RNF121: variants seen among roughly 807,000 people sequenced by gnomAD.
RNF121 encodes E3 ubiquitin ligase RNF121.
RNF121 carries 21 observed loss-of-function variants against 46.5 expected under a neutral mutation model. The ratio of observed to expected loss-of-function variants is 0.45; its 90% CI spans 0.32 to 0.65. RNF121 has a LOEUF of 0.65. Ranked by LOEUF, RNF121 falls within the 30% of genes least tolerant of loss-of-function variation. RNF121 has a pLI of 0.04. For synonymous variants in RNF121, 139 were observed against 144.7 expected, an observed-to-expected ratio of 0.96 and a Z score of 0.28; for missense variants, 346 against 416.0, an observed-to-expected ratio of 0.83 and a Z score of 1.46.
chr11:71,984,157 A>T (rs1954718007), intron 4 of RNF121, among the ~76,000 whole-genome samples: 1 of 152,258 alleles, frequency 6.6e-6, no homozygotes, highest in Admixed American at 6.5e-5. Context: ...TGATAAGATG[A>T]TATGAAGAAA....
intron 1 of RNF121, among the ~76,000 whole-genome samples, chr11:71,944,192 G>C (rs187899915): frequency 2.5e-4 from 38 of 152,244 alleles, no homozygotes; most frequent in African/African-American, 8.7e-4. Flanking sequence ...AATTAGCCAG[G>C]CGTGGTGGCA....
At chr11:71,993,908 T>C (rs1363802495) in intron 6 of RNF121, among the ~76,000 whole-genome samples, 3 of 150,976 alleles carry the variant, frequency 2.0e-5, no homozygotes, top group Non-Finnish European at 4.4e-5. Context: ...TGGTGCGATC[T>C]CGGCTCACTG....
At chr11:71,989,810 T>C (rs940954102) in intron 5 of RNF121, among the ~76,000 whole-genome samples, 1 of 152,174 alleles carries the variant, frequency 6.6e-6, no homozygotes, top group African/African-American at 2.4e-5. Context: ...GTTTATAATT[T>C]TATAGTAACT....
At chr11:71,980,057 T>C (rs1372627775) in intron 3 of RNF121, among the ~76,000 whole-genome samples, 1 of 152,210 alleles carries the variant, frequency 6.6e-6, no homozygotes, top group Non-Finnish European at 1.5e-5. Context: ...GTGCTCCTAG[T>C]GTCTCCTAGA....
intron 3 of RNF121, chr11:71,978,146 C>G (rs1036681850): frequency 2.2e-6 from 1 of 450,628 alleles, no homozygotes; most frequent in Non-Finnish European, 4.5e-6. Flanking sequence ...AGCGATCCAT[C>G]TGCCTCAGCC....
At chr11:71,943,486 A>G (rs191071926) in intron 1 of RNF121, among the ~76,000 whole-genome samples, 2 of 152,314 alleles carry the variant, frequency 1.3e-5, no homozygotes, top group East Asian at 3.9e-4. Context: ...TAATAAAGGC[A>G]TTTGTTACGC....
At chr11:71,939,348 G>T in intron 1 of RNF121, 1 of 160,906 alleles carries the variant, frequency 6.2e-6, no homozygotes, top group Non-Finnish European at 1.4e-5. Flanking sequence ...ACAATGGAAT[G>T]GCTTACATGG....
rs184727783 is a variant in RNF121 at position 71,965,075 on chromosome 11, G to A, written c.243+4184G>A. On this transcript the variant is annotated intron_variant, in intron 3 of 8. Coordinates refer to ENST00000361756, the MANE Select transcript of RNF121 (RefSeq NM_018320.5). ...ACATAGAAATCAAAAGTGTCCCAGA[G>A]GGAACCACTGTTAATCAATTTGTTA... 2.5e-3 allele frequency among the ~76,000 whole-genome samples: 374 copies of A among 152,234 alleles called. 1 individual carries two copies. Among genetic ancestry groups the A allele is most frequent in the Admixed American group, 4.6e-3 (71 of 15,288 alleles).
intron 3 of RNF121, among the ~76,000 whole-genome samples, chr11:71,968,949 G>A (rs1202784884): frequency 1.3e-5 from 2 of 148,740 alleles, no homozygotes; most frequent in African/African-American, 5.0e-5. Context: ...GCAGTGGCGC[G>A]ATCTCGGCTC....
At chr11:71,994,919 A>G (rs1019295900) in intron 7 of RNF121, 67 bp downstream of exon 7, 70 of 1,604,434 alleles carry the variant, frequency 4.4e-5, no homozygotes, top group Non-Finnish European at 5.2e-5. Flanking sequence ...AGAGAGAGAA[A>G]GAGGGTGGTC....
intron 1 of RNF121, among the ~76,000 whole-genome samples, chr11:71,950,309 G>A (rs1046117997): frequency 6.6e-6 from 1 of 152,106 alleles, no homozygotes; most frequent in African/African-American, 2.4e-5. Flanking sequence ...ATATAGCCAG[G>A]CACGGTGGCT....
intron 1 of RNF121, among the ~76,000 whole-genome samples, chr11:71,955,876 A>C (rs902140592): frequency 3.9e-5 from 6 of 152,236 alleles, no homozygotes; most frequent in African/African-American, 1.4e-4. Context: ...AGGGCACCTG[A>C]ATAAATTCTG....
At chr11:71,939,779 A>G (rs184577464) in intron 1 of RNF121, among the ~76,000 whole-genome samples, 7 of 152,318 alleles carry the variant, frequency 4.6e-5, no homozygotes, top group Non-Finnish European at 8.8e-5. Flanking sequence ...TTCAAAAGTC[A>G]CTATGTATTT....
intron 1 of RNF121, among the ~76,000 whole-genome samples, chr11:71,932,643 T>A (rs1953302908): frequency 6.6e-6 from 1 of 152,218 alleles, no homozygotes; most frequent in Non-Finnish European, 1.5e-5. Context: ...GTTCAGAGGA[T>A]TTGAGATAGG....
intron 6 of RNF121, among the ~76,000 whole-genome samples, chr11:71,993,264 A>G (rs80043345): frequency 0.032 from 4,944 of 152,304 alleles, 76 homozygotes; most frequent in East Asian, 0.077. Context: ...GAAGTATACA[A>G]TTCATGCATT....
At chr11:71,934,459 CTG>C (rs1371786893) in intron 1 of RNF121, among the ~76,000 whole-genome samples, 1 of 152,228 alleles carries the variant, frequency 6.6e-6, no homozygotes, top group Non-Finnish European at 1.5e-5. Flanking sequence ...AGTGGGCAGA[CTG>C]TGGAAGTTCC....
intron 3 of RNF121, among the ~76,000 whole-genome samples, chr11:71,961,192 G>A (rs1954123623): frequency 6.6e-6 from 1 of 152,158 alleles, no homozygotes; most frequent in African/African-American, 2.4e-5. Flanking sequence ...CAATTGGAGA[G>A]AGCAAAGATG....
chr11:71,988,640 TAAAAA>T (rs35970528), intron 5 of RNF121, among the ~76,000 whole-genome samples: 2 of 137,724 alleles, frequency 1.5e-5, no homozygotes, highest in South Asian at 4.7e-4. Context: ...TCTCAACTCT[TAAAAA>T]AAAAAAAAAA....
Position 71,993,625 on chromosome 11 carries a change from C to G in RNF121, c.628-1094C>G, listed in dbSNP as rs143384859. 1.6e-4 allele frequency among the ~76,000 whole-genome samples: 25 copies of G among 152,200 alleles called. No individual in the cohort carries two copies. In the East Asian group the frequency reaches 3.5e-3, roughly 21 times the overall value. ...TGGATAGGCACTTGAGTTGTTTCCA[C>G]TTTTTGGCTACTGTGAGTAACGCTG... On this transcript the variant is annotated intron_variant, in intron 6 of 8. Transcript: ENST00000361756.
Sources: gnomAD v4.1 joint callset for allele counts (sites outside exome capture counted in the v4.1 genomes callset) on GRCh38, gnomAD v4.1.1 for gene constraint, MANE v1.5 for transcripts, NCBI Gene and HGNC (gene_info 2026-07-23, HGNC 2026-07-21) for gene names.